The following YEATS2 variants were observed in gnomAD, a reference collection of about 807,000 sequenced individuals.
YEATS2 encodes the protein YEATS domain-containing protein 2.
YEATS2 carries 77 observed loss-of-function variants against 163.2 expected under a neutral mutation model. The ratio of observed to expected loss-of-function variants is 0.47; its 90% CI spans 0.39 to 0.57. YEATS2 has a LOEUF of 0.57. Ranked by LOEUF, YEATS2 falls within the 20% of genes least tolerant of loss-of-function variation. The pLI, the probability that YEATS2 is intolerant of heterozygous loss-of-function variation, is 0.00. For synonymous variants in YEATS2, 631 were observed against 645.1 expected, an observed-to-expected ratio of 0.98 and a Z score of 0.33; for missense variants, 1,549 against 1,729.8, an observed-to-expected ratio of 0.90 and a Z score of 1.85.
At chr3:183,793,567 G>T in intron 21 of YEATS2, 1 of 314,318 alleles carries the variant, frequency 3.2e-6, no homozygotes, top group Non-Finnish European at 4.6e-6. Context: ...AGTTTCCTAA[G>T]ATGCTGCTGA....
At chr3:183,753,435 T>C (rs1182842021) in intron 10 of YEATS2, among the ~76,000 whole-genome samples, 1 of 152,192 alleles carries the variant, frequency 6.6e-6, no homozygotes, top group African/African-American at 2.4e-5. Flanking sequence ...ATTGCATCTT[T>C]TTTATGGGCA....
rs548414235 is a variant in YEATS2, at chr3:183,753,942, A to G, written c.1151-184A>G. 2.6e-5 allele frequency among the ~76,000 whole-genome samples: 4 copies of G among 152,344 alleles called. No homozygotes were observed. In the East Asian group the frequency reaches 7.7e-4, roughly 29 times the overall value. On this transcript the variant is annotated intron_variant, in intron 10 of 30. Coordinates refer to ENST00000305135, the MANE Select transcript of YEATS2 (RefSeq NM_018023.5). ...GTTTTTTTAAAAAAGCACTTTAAAC[A>G]TTATTCTAAGCATATATATTTTTCA...
At chr3:183,809,419 CTGTTT>C (rs1726564453) in intron 30 of YEATS2, 3 of 385,872 alleles carry the variant, frequency 7.8e-6, no homozygotes, top group Non-Finnish European at 1.4e-5. Context: ...ACCTAGGACT[CTGTTT>C]TATTACAGGG....
At chr3:183,714,825 T>G (rs893048706) in intron 1 of YEATS2, among the ~76,000 whole-genome samples, 1 of 152,192 alleles carries the variant, frequency 6.6e-6, no homozygotes, top group African/African-American at 2.4e-5. Context: ...CCAGGCTCCT[T>G]TTGAAAAGTC....
intron 7 of YEATS2, among the ~76,000 whole-genome samples, chr3:183,734,196 G>A (rs1201252905): frequency 1.3e-5 from 2 of 152,146 alleles, no homozygotes; most frequent in Admixed American, 6.5e-5. Flanking sequence ...CTGCACAGTC[G>A]GACAATGCCC....
chr3:183,771,626 G>T (rs1722484291), intron 15 of YEATS2, among the ~76,000 whole-genome samples: 1 of 139,020 alleles, frequency 7.2e-6, no homozygotes, highest in African/African-American at 2.7e-5. Context: ...TCACGGCTCA[G>T]TGCAGCCTTG....
Position 183,722,150 on chromosome 3 carries a change from T to C in YEATS2, c.537+14T>C, listed in dbSNP as rs1716563504. ...AATACTGGAAGGGTATATAGATGGGTGGATGTGGGAGGGAGCCACAGGAGA... is the reference window on the plus strand; with the variant it reads ...AATACTGGAAGGGTATATAGATGGGCGGATGTGGGAGGGAGCCACAGGAGA... On this transcript the variant is annotated intron_variant, in intron 5 of 30. Transcript: ENST00000305135. 1 of 1,608,370 alleles carries C rather than the reference T, an allele frequency of 6.2e-7. No homozygotes were observed. The highest frequency in any genetic ancestry group is 8.5e-7 in the Non-Finnish European group (1 of 1,177,266).
At chr3:183,700,793 G>A (rs866449778) in intron 1 of YEATS2, among the ~76,000 whole-genome samples, 140 of 141,728 alleles carry the variant, frequency 9.9e-4, no homozygotes, top group African/African-American at 2.7e-3. Flanking sequence ...AAAAAAAAAA[G>A]GCAGATACAA....
chr3:183,718,011 G>A (rs1716089768), intron 3 of YEATS2, among the ~76,000 whole-genome samples: 1 of 152,098 alleles, frequency 6.6e-6, no homozygotes, highest in Non-Finnish European at 1.5e-5. Flanking sequence ...GGTGACTACA[G>A]TCAACAATAA....
At chr3:183,724,639 C>A in intron 6 of YEATS2, 108 bp downstream of exon 6, 1 of 773,708 alleles carries the variant, frequency 1.3e-6, no homozygotes, top group Non-Finnish European at 2.0e-6. Context: ...TTCTTTTTCC[C>A]AAGCCCTTAG....
chr3:183,719,167 T>G (rs945031284), intron 4 of YEATS2, among the ~76,000 whole-genome samples: 3 of 148,986 alleles, frequency 2.0e-5, no homozygotes, highest in African/African-American at 7.7e-5. Flanking sequence ...TTTTTTTTTT[T>G]GTTTGTTTTT....
In YEATS2 at chr3:183,810,976, TTGTGGGC is replaced by T. The variant is rs1422135530; in HGVS notation, c.*396_*402del. ...TGGCAGGCTAGAGATTTCACCCATT[TTGTGGGC>T]TGGAGTTACCAGTAGCTCCAGCAGT... On this transcript the variant is annotated 3_prime_UTR_variant, in exon 31 of 31. Transcript: ENST00000305135. 2 of 207,152 alleles carry T rather than the reference TTGTGGGC, an allele frequency of 9.7e-6. No individual in the cohort carries two copies. Among genetic ancestry groups the T allele is most frequent in the South Asian group, 1.6e-4 (2 of 12,398 alleles). 12.8% of individuals were successfully genotyped at this position (207,152 alleles called of 1,614,324 possible).
At chr3:183,765,408 C>CT (rs1248047568) in intron 15 of YEATS2, among the ~76,000 whole-genome samples, 1 of 152,150 alleles carries the variant, frequency 6.6e-6, no homozygotes, top group Admixed American at 6.6e-5. Context: ...TGGCCACCTA[C>CT]TTAATGGTAA....
At chr3:183,762,422 G>C (rs1309871919) in intron 15 of YEATS2, 143 bp downstream of exon 15, 1 of 1,033,120 alleles carries the variant, frequency 9.7e-7, no homozygotes, top group East Asian at 2.6e-5. Flanking sequence ...GGAAAAACAA[G>C]TCTGTTGGTG....
intron 2 of YEATS2, among the ~76,000 whole-genome samples, chr3:183,715,901 CTGT>C (rs1337298132): frequency 6.6e-6 from 1 of 152,128 alleles, no homozygotes; most frequent in African/African-American, 2.4e-5. Context: ...AACTGGGTGT[CTGT>C]TGTTCCTCAG....
chr3:183,754,083 A>G lies in YEATS2; in HGVS notation c.1151-43A>G. On this transcript the variant is annotated intron_variant, in intron 10 of 30. Coordinates refer to ENST00000305135, the MANE Select transcript of YEATS2 (RefSeq NM_018023.5). ...TCCACAACGGTAAGGTTTTATTTCA[A>G]AGCGATTGATGACTTGCCGTTTGCC... 3 of 1,502,684 alleles carry G rather than the reference A, an allele frequency of 2.0e-6. No homozygotes were observed. The South Asian group carries it at 4.2e-5, about 21-fold the overall frequency. The allele number at this position is 1,502,684 out of a possible 1,614,324, so 93.1% of individuals were successfully genotyped here. A position where few individuals can be genotyped will look rare whatever the true frequency, so the allele number is the denominator to read the frequency against.
intron 8 of YEATS2, among the ~76,000 whole-genome samples, chr3:183,741,002 G>T (rs1013244364): frequency 1.3e-5 from 2 of 152,100 alleles, no homozygotes; most frequent in African/African-American, 4.8e-5. Flanking sequence ...ATAGTGGCGT[G>T]ATCTCGGCTC....
Position 183,775,984 on chromosome 3 carries a change from G to T in YEATS2, c.2438G>T (p.Gly813Val). ...AGGGGGGGGG[G>V]GSGSGGGGST... ...GGAGGAGGAGGAGGAGGAGGAGGAG[G>T]CGGCAGTGGCAGCGGTGGAGGCGGC... The change falls in exon 18 of 31, where the codon GGC becomes GTC. Residue 813 changes from glycine (G) to valine (V), a missense_variant. Transcript: ENST00000305135. The T allele has an allele frequency of 6.2e-7, 1 of 1,608,776 alleles. No individual in the cohort carries two copies.
chr3:183,767,600 C>T (rs1193092406), intron 15 of YEATS2, among the ~76,000 whole-genome samples: 1 of 152,114 alleles, frequency 6.6e-6, no homozygotes, highest in Non-Finnish European at 1.5e-5. Context: ...CCACACTGGT[C>T]TCAAACTTCT....
Sources: allele counts gnomAD v4.1 joint callset (sites outside exome capture counted in the v4.1 genomes callset), GRCh38; gene constraint gnomAD v4.1.1; transcripts MANE v1.5; gene names NCBI Gene and HGNC (gene_info 2026-07-23, HGNC 2026-07-21).